The following GRIA4 variants were observed in gnomAD, a reference collection of about 807,000 sequenced individuals.
GRIA4 encodes glutamate ionotropic receptor AMPA type subunit 4.
A neutral mutation model predicts 104.0 loss-of-function variants in GRIA4; 34 were observed. The observed-to-expected ratio is 0.33, with a 90% CI of 0.25 to 0.44. The LOEUF (loss-of-function observed/expected upper bound fraction) is 0.44. GRIA4 is among the 20% of genes least tolerant of loss of function. The pLI is 1.00. For missense variants in GRIA4, 750 were observed against 1,096.5 expected, an observed-to-expected ratio of 0.68 and a Z score of 4.46; for synonymous variants, 386 against 381.9, an observed-to-expected ratio of 1.01 and a Z score of -0.13.
chr11:105,614,779 A>G (rs1458358812), intron 3 of GRIA4, among the ~76,000 whole-genome samples: 1 of 152,050 alleles, frequency 6.6e-6, no homozygotes, highest in Non-Finnish European at 1.5e-5. Flanking sequence ...GGAAAAAATC[A>G]ATAGTCAAGA....
rs1364783595 is a variant in GRIA4, at chr11:105,963,727, T to G, written c.2295-8187T>G. ...GAAAGACAATGTTTTAGAATAATTT[T>G]GTAGAAAGCTTGATTCCAAACAATT... On this transcript the variant is annotated intron_variant, in intron 14 of 16. Transcript: ENST00000282499. 2.0e-5 allele frequency among the ~76,000 whole-genome samples: 3 copies of G among 152,154 alleles called. No homozygotes were observed. The East Asian group carries it at 5.8e-4, about 29-fold the overall frequency.
chr11:105,932,265 A>C (rs1361149234), intron 13 of GRIA4, among the ~76,000 whole-genome samples: 2 of 151,870 alleles, frequency 1.3e-5, no homozygotes, highest in African/African-American at 2.4e-5. Context: ...CAGCCCCCTT[A>C]GTAGCTGGGA....
rs1040333686 is a variant in GRIA4, at chr11:105,611,205, T to A, written c.88+120T>A. 5.5e-6 allele frequency: 4 copies of A among 720,834 alleles called. No individual in the cohort carries two copies. The African/African-American group carries it at 7.0e-5, about 13-fold the overall frequency. 44.7% of individuals were successfully genotyped at this position (720,834 alleles called of 1,614,324 possible). On this transcript the variant is annotated intron_variant, in intron 2 of 16. Transcript: ENST00000282499. Reference sequence around the variant, plus strand: ...CTTCAGCAGTTCCCTTCCCCTCTGTTTCCCTCCTCTTCCTTTCTCTCCTTT... The same window carrying A: ...CTTCAGCAGTTCCCTTCCCCTCTGTATCCCTCCTCTTCCTTTCTCTCCTTT...
chr11:105,914,839 G>A (rs539548824), intron 10 of GRIA4, among the ~76,000 whole-genome samples: 145 of 152,126 alleles, frequency 9.5e-4, no homozygotes, highest in Middle Eastern at 3.4e-3. Flanking sequence ...TGAACACTTG[G>A]GAATTCATAA....
chr11:105,712,074 A>T (rs1328593176), intron 3 of GRIA4, among the ~76,000 whole-genome samples: 2 of 152,100 alleles, frequency 1.3e-5, no homozygotes. Context: ...AAATTTATGT[A>T]TTTATGTATG....
intron 3 of GRIA4, among the ~76,000 whole-genome samples, chr11:105,745,016 A>C (rs1180024737): frequency 2.6e-5 from 4 of 152,170 alleles, no homozygotes; most frequent in African/African-American, 9.6e-5. Flanking sequence ...ATACATGAAA[A>C]ACATTTTTTA....
intron 3 of GRIA4, among the ~76,000 whole-genome samples, chr11:105,647,768 G>A (rs1565432193): frequency 6.6e-6 from 1 of 152,062 alleles, no homozygotes; most frequent in Non-Finnish European, 1.5e-5. Flanking sequence ...ACATAATGGG[G>A]AACAACCCAC....
At position 105,933,923 on chromosome 11, in the gene GRIA4, G is replaced by A; in HGVS notation, c.2248G>A (p.Asp750Asn). 6.2e-7 allele frequency: 1 copy of A among 1,613,284 alleles called. No individual in the cohort carries two copies. The highest frequency in any genetic ancestry group is 8.5e-7 in the Non-Finnish European group (1 of 1,179,392). ...CACGATGAAAGTGGGAGGAAATCTG[G>A]ATTCCAAAGGCTATGGAGTAGCAAC... Reference protein sequence around the residue: ...CDTMKVGGNLDSKGYGVATPK... With the variant: ...CDTMKVGGNLNSKGYGVATPK... The change falls in exon 14 of 17, where the codon GAT becomes AAT. Residue 750 changes from aspartate (D) to asparagine (N), a missense_variant. Asp to Asn is a conservative substitution (Grantham distance 23). Transcript: ENST00000282499.
chr11:105,722,346 G>T (rs1937881463), intron 3 of GRIA4, among the ~76,000 whole-genome samples: 1 of 152,024 alleles, frequency 6.6e-6, no homozygotes, highest in African/African-American at 2.4e-5. Context: ...GACTTACAGT[G>T]GTACAACTCA....
intron 4 of GRIA4, among the ~76,000 whole-genome samples, chr11:105,768,788 A>G (rs1264628034): frequency 6.6e-6 from 1 of 152,054 alleles, no homozygotes; most frequent in East Asian, 1.9e-4. Context: ...ATCCATATAT[A>G]AACTATAGAC....
intron 3 of GRIA4, among the ~76,000 whole-genome samples, chr11:105,637,494 G>A (rs967229026): frequency 7.2e-5 from 11 of 152,044 alleles, no homozygotes; most frequent in Non-Finnish European, 1.3e-4. Context: ...AGTGTCTACC[G>A]TATGCATCAT....
chr11:105,853,984 G>GT (rs1255193308), intron 4 of GRIA4, among the ~76,000 whole-genome samples: 4 of 152,098 alleles, frequency 2.6e-5, no homozygotes, highest in Non-Finnish European at 4.4e-5. Context: ...GGTTTCTACT[G>GT]TTTCAGTATT....
chr11:105,811,143 T>C (rs1943156134), intron 4 of GRIA4, among the ~76,000 whole-genome samples: 1 of 152,134 alleles, frequency 6.6e-6, no homozygotes, highest in Non-Finnish European at 1.5e-5. Flanking sequence ...GCATTCTTTA[T>C]GTAGTTAGAG....
At chr11:105,852,936 AT>A (rs1944870585) in intron 4 of GRIA4, among the ~76,000 whole-genome samples, 2 of 148,860 alleles carry the variant, frequency 1.3e-5, no homozygotes, top group Non-Finnish European at 3.0e-5. Flanking sequence ...GGCTTTGTGT[AT>A]AAAAGCCAGA....
intron 12 of GRIA4, among the ~76,000 whole-genome samples, chr11:105,925,899 A>T (rs1947689783): frequency 6.6e-6 from 1 of 152,094 alleles, no homozygotes; most frequent in Non-Finnish European, 1.5e-5. Context: ...AAGTAGTTTG[A>T]TGGTTACAAT....
intron 3 of GRIA4, among the ~76,000 whole-genome samples, chr11:105,708,914 A>C (rs1378581145): frequency 6.6e-6 from 1 of 152,118 alleles, no homozygotes; most frequent in Non-Finnish European, 1.5e-5. Flanking sequence ...TAAATGAAGT[A>C]AATGTAGATG....
intron 5 of GRIA4, among the ~76,000 whole-genome samples, chr11:105,862,913 C>T (rs1412097853): frequency 6.6e-6 from 1 of 152,198 alleles, no homozygotes; most frequent in African/African-American, 2.4e-5. Flanking sequence ...TTCCCTACCC[C>T]TGCAGATCAT....
At chr11:105,792,913 A>AG (rs1942276214) in intron 4 of GRIA4, among the ~76,000 whole-genome samples, 1 of 75,130 alleles carries the variant, frequency 1.3e-5, no homozygotes, top group Admixed American at 1.3e-4. Flanking sequence ...TGTCCAACAT[A>AG]CAAGACAGGC....
intron 3 of GRIA4, among the ~76,000 whole-genome samples, chr11:105,683,665 T>C (rs1270566871): frequency 1.3e-5 from 2 of 152,136 alleles, no homozygotes; most frequent in Non-Finnish European, 2.9e-5. Flanking sequence ...ATGTTTACAA[T>C]GTTAAGGAAA....
Sources: allele counts gnomAD v4.1 joint callset (sites outside exome capture counted in the v4.1 genomes callset), GRCh38; gene constraint gnomAD v4.1.1; transcripts MANE v1.5; gene names NCBI Gene and HGNC (gene_info 2026-07-23, HGNC 2026-07-21).